The following AKR1E2 variants were observed in gnomAD, a reference collection of about 807,000 sequenced individuals.
The protein encoded by AKR1E2 is 1,5-anhydro-D-fructose reductase.
Under a neutral mutation model 41.9 loss-of-function variants are expected in AKR1E2, and 43 were observed. The observed-to-expected ratio is 1.03, with a 90% CI of 0.80 to 1.32. AKR1E2 has a LOEUF of 1.32. Among genes scored for constraint, AKR1E2 ranks in the 40% most tolerant of loss-of-function variants. The probability of loss-of-function intolerance (pLI) is 0.00; values close to 1 mark genes in which losing one functional copy is unlikely to be tolerated. For synonymous variants in AKR1E2, 121 were observed against 138.9 expected, an observed-to-expected ratio of 0.87 and a Z score of 0.91; for missense variants, 423 against 396.5, an observed-to-expected ratio of 1.07 and a Z score of -0.57.
chr10:4,846,020 C>T, intron 8 of AKR1E2: 1 of 382,988 alleles, frequency 2.6e-6, no homozygotes, highest in Non-Finnish European at 5.2e-6. Flanking sequence ...CCCCTGTGGC[C>T]CCAGTGCCGC....
At chr10:4,869,918 G>A in the AKR1E2 span, among the ~76,000 whole-genome samples, 4 of 151,732 alleles carry the variant, frequency 2.6e-5, no homozygotes, top group Non-Finnish European at 2.9e-5. Context: ...TTATAATTTT[G>A]GTTATTTTCT....
intron 3 of AKR1E2, among the ~76,000 whole-genome samples, chr10:4,834,698 A>G (rs1339625650): frequency 6.6e-6 from 1 of 152,260 alleles, no homozygotes; most frequent in African/African-American, 2.4e-5. Flanking sequence ...GCATATGCTC[A>G]GGTCAGACAT....
the AKR1E2 span, among the ~76,000 whole-genome samples, chr10:4,863,008 A>G: frequency 6.6e-6 from 1 of 152,110 alleles, no homozygotes; most frequent in African/African-American, 2.4e-5. Flanking sequence ...CACAATAATA[A>G]TGGGAGACTT....
chr10:4,841,814 T>C lies in AKR1E2; in HGVS notation c.710T>C (p.Val237Ala). The change falls in exon 7 of 10, where the codon GTG becomes GCG. Residue 237 changes from valine (V) to alanine (A), a missense_variant. Val to Ala is a moderately conservative substitution (Grantham distance 64). Transcript: ENST00000298375. ...GGGGTTGACCTGATAGACAACCCTG[T>C]GATCAAGAGGATTGCAAAGGAGCAC... ...CEGVDLIDNPVIKRIAKEHGK... is the reference protein window; with the variant it reads ...CEGVDLIDNPAIKRIAKEHGK... 6.2e-7 allele frequency: 1 copy of C among 1,613,426 alleles called. No individual in the cohort carries two copies. The highest frequency in any genetic ancestry group is 8.5e-7 in the Non-Finnish European group (1 of 1,179,702).
At position 4,847,222 on chromosome 10, in the gene AKR1E2, G is replaced by A; in HGVS notation, c.912G>A (p.Met304Ile). The A allele has an allele frequency of 6.2e-7, 1 of 1,614,040 alleles. No individual in the cohort carries two copies. The highest frequency in any genetic ancestry group is 8.5e-7 in the Non-Finnish European group (1 of 1,179,884). ...TAAACAGGAATCTCCGACTGGCCAT[G>A]TTCCCCATGTAAATATGGCTCCTTC... is the stretch of plus-strand genomic sequence containing the variant. ...LSLNRNLRLA[M>I]FPITKNHKDY... Residue 304 changes from methionine to isoleucine, a missense_variant, in exon 9 of 10, where the codon ATG becomes ATA. By Grantham distance (10) the Met-to-Ile change is conservative (BLOSUM62 1). Coordinates refer to ENST00000298375, the MANE Select transcript of AKR1E2 (RefSeq NM_001040177.3).
the AKR1E2 span, among the ~76,000 whole-genome samples, chr10:4,860,856 TCA>T: frequency 6.6e-6 from 1 of 152,196 alleles, no homozygotes; most frequent in Non-Finnish European, 1.5e-5. Flanking sequence ...GATTCTACAT[TCA>T]GTTTAATTTG....
downstream of AKR1E2, among the ~76,000 whole-genome samples, chr10:4,849,088 C>T (rs919240283): frequency 7.2e-5 from 11 of 152,280 alleles, no homozygotes; most frequent in African/African-American, 2.4e-4. Context: ...GTCACCAAAA[C>T]GAAAAGACAT....
the AKR1E2 span, among the ~76,000 whole-genome samples, chr10:4,865,518 C>T: frequency 6.6e-6 from 1 of 151,998 alleles, no homozygotes; most frequent in Admixed American, 6.6e-5. Context: ...AAGAAAATTC[C>T]AAAAGCCAGT....
chr10:4,830,681 C>T lies in AKR1E2; in HGVS notation c.46C>T (p.Pro16Ser), dbSNP rs778914729. The change falls in exon 2 of 10, where the codon CCA (proline) becomes TCA (serine). Residue 16 changes from proline (P) to serine (S), a missense_variant. Transcript: ENST00000298375. ...TGTTTTGTTGGTTTTGCAGGCTTCT[C>T]CAGGGAAAGTGACCGAGGCAGTGAA... Reference protein sequence around the residue: ...AVGLSSWKASPGKVTEAVKEA... With the variant: ...AVGLSSWKASSGKVTEAVKEA... 1.9e-6 allele frequency: 3 copies of T among 1,613,852 alleles called. No homozygotes were observed. The African/African-American group carries it at 4.0e-5, about 22-fold the overall frequency.
chr10:4,861,330 A>AT, the AKR1E2 span, among the ~76,000 whole-genome samples: 1 of 152,062 alleles, frequency 6.6e-6, no homozygotes. Flanking sequence ...AATATAGAAC[A>AT]TTTTTTTGGG....
intron 2 of AKR1E2, among the ~76,000 whole-genome samples, chr10:4,831,053 A>G (rs1484514858): frequency 1.3e-5 from 2 of 152,254 alleles, no homozygotes; most frequent in East Asian, 3.8e-4. Context: ...GTACACAGAT[A>G]TCCCCCAATT....
At chr10:4,826,988 A>C (rs995286628) in intron 1 of AKR1E2, among the ~76,000 whole-genome samples, 3 of 150,412 alleles carry the variant, frequency 2.0e-5, no homozygotes, top group African/African-American at 7.3e-5. Flanking sequence ...AGGTGGGAGG[A>C]TCACTGGAGA....
chr10:4,832,990 C>T (rs1384567826), intron 2 of AKR1E2, among the ~76,000 whole-genome samples: 1 of 152,210 alleles, frequency 6.6e-6, no homozygotes, highest in Non-Finnish European at 1.5e-5. Flanking sequence ...GTGAGAAACA[C>T]AAGATAGAGA....
At chr10:4,854,237 G>T in the AKR1E2 span, among the ~76,000 whole-genome samples, 1 of 151,922 alleles carries the variant, frequency 6.6e-6, no homozygotes, top group African/African-American at 2.4e-5. Flanking sequence ...GGGACTACAG[G>T]TGCATGCCAC....
Position 4,847,650 on chromosome 10 carries a change from C to A in AKR1E2, c.*120C>A. Reference sequence around the variant, plus strand: ...GTGCCTGGGACAGGAGCCACACAGTCAGAGGGGGATGTAAGAGCCACCTTC... The same window carrying A: ...GTGCCTGGGACAGGAGCCACACAGTAAGAGGGGGATGTAAGAGCCACCTTC... On this transcript the variant is annotated 3_prime_UTR_variant, in exon 10 of 10. Transcript: ENST00000298375. The A allele has an allele frequency of 1.7e-6, 2 of 1,191,022 alleles. No individual in the cohort carries two copies. The highest frequency in any genetic ancestry group is 2.7e-5 in the South Asian group (2 of 72,854). 73.8% of individuals were successfully genotyped at this position (1,191,022 alleles called of 1,614,324 possible).
chr10:4,826,306 G>T lies in AKR1E2; in HGVS notation c.-19G>T, dbSNP rs952782237. On this transcript the variant is annotated 5_prime_UTR_variant, in exon 1 of 10. Transcript: ENST00000298375. Reference sequence around the variant, plus strand: ...GTCGCGTGCGGGGCGGCGGGGCGGCGGGGCGGCCGGCGGCGGCCATGGGAG... The same window carrying T: ...GTCGCGTGCGGGGCGGCGGGGCGGCTGGGCGGCCGGCGGCGGCCATGGGAG... 5.7e-6 allele frequency: 7 copies of T among 1,232,420 alleles called. No individual in the cohort carries two copies. Among genetic ancestry groups the T allele is most frequent in the Admixed American group, 4.2e-5 (1 of 23,652 alleles). The allele number at this position is 1,232,420 out of a possible 1,614,324, so 76.3% of individuals were successfully genotyped here.
chr10:4,836,879 G>A (rs775479660), intron 4 of AKR1E2, among the ~76,000 whole-genome samples: 15 of 152,218 alleles, frequency 9.9e-5, no homozygotes, highest in Non-Finnish European at 2.1e-4. Flanking sequence ...ACCCTGGCAC[G>A]AAGCTATGCT....
intron 5 of AKR1E2, among the ~76,000 whole-genome samples, chr10:4,839,075 C>A (rs549910173): frequency 6.6e-6 from 1 of 152,182 alleles, no homozygotes; most frequent in Non-Finnish European, 1.5e-5. Flanking sequence ...TATTTTAAAT[C>A]TCCTTATAAC....
intron 8 of AKR1E2, chr10:4,846,048 A>G: frequency 2.8e-6 from 1 of 361,678 alleles, no homozygotes; most frequent in South Asian, 2.0e-5. Context: ...TGCTGCTGCA[A>G]GGCTGCCTAC....
Sources: gnomAD v4.1 joint callset for allele counts (sites outside exome capture counted in the v4.1 genomes callset) on GRCh38, gnomAD v4.1.1 for gene constraint, MANE v1.5 for transcripts, NCBI Gene and HGNC (gene_info 2026-07-23, HGNC 2026-07-21) for gene names.